The following EXTL3 variants were observed in gnomAD, a reference collection of about 807,000 sequenced individuals.
The protein encoded by EXTL3 is exostosin-like 3.
A neutral mutation model predicts 69.3 loss-of-function variants in EXTL3; 27 were observed. That is an observed-to-expected ratio of 0.39 (90% CI 0.29 to 0.54). The LOEUF is 0.54. Among genes scored for constraint, EXTL3 ranks in the 20% least tolerant of loss-of-function variants. The probability of loss-of-function intolerance (pLI) is 0.69; values close to 1 mark genes in which losing one functional copy is unlikely to be tolerated. For synonymous variants in EXTL3, 511 were observed against 499.4 expected, an observed-to-expected ratio of 1.02 and a Z score of -0.31; for missense variants, 1,003 against 1,231.8, an observed-to-expected ratio of 0.81 and a Z score of 2.78.
chr8:28,732,133 T>C (rs1265912204), intron 4 of EXTL3, among the ~76,000 whole-genome samples: 1 of 152,018 alleles, frequency 6.6e-6, no homozygotes, highest in African/African-American at 2.4e-5. Flanking sequence ...GGCCTTCAAC[T>C]CTCCTGCCTT....
In EXTL3 at chr8:28,623,023, G is replaced by C. The variant is rs1446824600; in HGVS notation, c.-53+213G>C. On this transcript the variant is annotated intron_variant, in intron 1 of 6. Transcript: ENST00000523149. The surrounding 1 kb of genome is among the most constrained non-coding windows in gnomAD (Gnocchi z 4.2). ...GTGGGGCGCCTGCTCTGGGCGTCTG[G>C]GGCGGGCGATTGCAAGCTCGCGGTC... is the stretch of plus-strand genomic sequence containing the variant. Among the ~76,000 whole-genome samples, 1 of 152,094 alleles carries C rather than the reference G, an allele frequency of 6.6e-6. No individual in the cohort carries two copies. The highest frequency in any genetic ancestry group is 2.4e-5 in the African/African-American group (1 of 41,424).
intron 1 of EXTL3, among the ~76,000 whole-genome samples, chr8:28,704,109 A>C (rs1383177438): frequency 6.6e-6 from 1 of 152,224 alleles, no homozygotes; most frequent in Non-Finnish European, 1.5e-5. Context: ...ACTAGGGAGA[A>C]GAGAAGCAGG....
intron 2 of EXTL3, chr8:28,607,773 A>G (rs1006601093): frequency 6.6e-6 from 1 of 152,226 alleles, no homozygotes; most frequent in African/African-American, 2.4e-5. Flanking sequence ...GAGACCATCC[A>G]CTGCCATAGC....
chr8:28,742,746 T>TTTG, intron 5 of EXTL3: 1 of 271,896 alleles, frequency 3.7e-6, no homozygotes. Flanking sequence ...TTTTTTTTTT[T>TTTG]GGCCATTGTT....
chr8:28,665,216 T>G (rs1440432240), intron 1 of EXTL3, among the ~76,000 whole-genome samples: 1 of 151,022 alleles, frequency 6.6e-6, no homozygotes, highest in Non-Finnish European at 1.5e-5. Flanking sequence ...AGATTACAGT[T>G]GCCTGCCACC....
intron 5 of EXTL3, among the ~76,000 whole-genome samples, chr8:28,739,222 G>A (rs1585293508): frequency 6.6e-6 from 1 of 152,158 alleles, no homozygotes; most frequent in East Asian, 1.9e-4. Flanking sequence ...AAAGCTCACC[G>A]TCTCTCCCTA....
intron 1 of EXTL3, among the ~76,000 whole-genome samples, chr8:28,656,346 T>C (rs56174417): frequency 0.064 from 9,711 of 152,094 alleles, 898 homozygotes; most frequent in African/African-American, 0.2. Context: ...AATTTTTGTA[T>C]TTTTAGGATT....
Position 28,717,143 on chromosome 8 carries a change from T to C in EXTL3, c.1084T>C (p.Ser362Pro), listed in dbSNP as rs754905066. ...SLRSSLQEAR[S>P]FEEEMEGDPP... is the part of the protein sequence containing the mutation. Reference sequence around the variant, plus strand: ...GAGGTCTAGCCTTCAGGAGGCCCGCTCCTTCGAAGAGGAAATGGAGGGCGA... The same window carrying C: ...GAGGTCTAGCCTTCAGGAGGCCCGCCCCTTCGAAGAGGAAATGGAGGGCGA... Residue 362 changes from serine to proline, a missense_variant, in exon 3 of 7, where the codon TCC becomes CCC. By Grantham distance (74) the Ser-to-Pro change is moderately conservative (BLOSUM62 -1). Coordinates refer to ENST00000220562, the MANE Select transcript of EXTL3 (RefSeq NM_001440.4). The surrounding 1 kb of genome is among the most constrained non-coding windows in gnomAD (Gnocchi z 8.3). 1 of 1,614,200 alleles carries C rather than the reference T, an allele frequency of 6.2e-7. No homozygotes were observed. The highest frequency in any genetic ancestry group is 8.5e-7 in the Non-Finnish European group (1 of 1,180,028).
At chr8:28,647,356 C>T (rs1806849073) in intron 1 of EXTL3, among the ~76,000 whole-genome samples, 1 of 152,124 alleles carries the variant, frequency 6.6e-6, no homozygotes, top group Non-Finnish European at 1.5e-5. Flanking sequence ...CCACCTGCCT[C>T]GGCCTCCCAA....
chr8:28,750,063 G>A lies in EXTL3; in HGVS notation c.2551-594G>A, dbSNP rs575870413. Among the ~76,000 whole-genome samples, 2 of 152,150 alleles carry A rather than the reference G, an allele frequency of 1.3e-5. No homozygotes were observed. The highest frequency in any genetic ancestry group is 6.5e-5 in the Admixed American group (1 of 15,280). On this transcript the variant is annotated intron_variant, in intron 6 of 6. Transcript: ENST00000220562. This position sits in a 1 kb window ranked among gnomAD's most constrained non-coding sequence, Gnocchi z 5.2. The stretch of plus-strand genomic sequence containing the variant: ...TCTTGCATGTTCAGGTGTTCTGAGG[G>A]GTTTTTATGCCATTCGGCCTGCCAC...
intron 4 of EXTL3, among the ~76,000 whole-genome samples, chr8:28,737,092 G>C (rs1408541847): frequency 6.6e-6 from 1 of 152,206 alleles, no homozygotes; most frequent in Non-Finnish European, 1.5e-5. Flanking sequence ...TTACAGGCAT[G>C]AGCCATCCCA....
rs555635541 is a variant in EXTL3 at position 28,670,367 on chromosome 8, C to T, written c.-52-43090C>T. ...GGGATTGCCAGAGAAACAGATCCAA[C>T]AGAGTATGTGAGTGTATAAAGATTT... is the stretch of plus-strand genomic sequence containing the variant. On this transcript the variant is annotated intron_variant, in intron 1 of 6. Coordinates refer to the EXTL3 transcript ENST00000523149. Among the ~76,000 whole-genome samples the T allele has an allele frequency of 2.6e-5, 4 of 152,222 alleles. No homozygotes were observed. In the South Asian group the frequency reaches 8.3e-4, roughly 32 times the overall value.
intron 4 of EXTL3, among the ~76,000 whole-genome samples, chr8:28,733,285 C>G (rs900806682): frequency 2.6e-5 from 4 of 152,050 alleles, no homozygotes; most frequent in African/African-American, 9.7e-5. Flanking sequence ...GTTCTAGCTT[C>G]TCCACATCTT....
At chr8:28,685,153 T>C (rs891344300) in intron 1 of EXTL3, among the ~76,000 whole-genome samples, 11 of 152,134 alleles carry the variant, frequency 7.2e-5, no homozygotes, top group Non-Finnish European at 1.5e-4. Context: ...AGTTTCACCA[T>C]GTTGGCCAGG....
intron 1 of EXTL3, chr8:28,696,402 G>A (rs556661000): frequency 6.6e-6 from 1 of 152,076 alleles, no homozygotes; most frequent in African/African-American, 2.4e-5. Flanking sequence ...AATTTTGCCT[G>A]TTTTTAAGCT....
intron 1 of EXTL3, among the ~76,000 whole-genome samples, chr8:28,650,226 G>A (rs1053377246): frequency 6.7e-6 from 1 of 149,832 alleles, no homozygotes; most frequent in Non-Finnish European, 1.5e-5. Context: ...AAATCCAGAT[G>A]TTGTCTAAGG....
At chr8:28,665,619 C>A (rs1374338407) in intron 1 of EXTL3, among the ~76,000 whole-genome samples, 1 of 151,724 alleles carries the variant, frequency 6.6e-6, no homozygotes, top group Non-Finnish European at 1.5e-5. Context: ...ACCATGTTGC[C>A]CATGGCTCAA....
intron 1 of EXTL3, among the ~76,000 whole-genome samples, chr8:28,692,697 T>C (rs544315573): frequency 2.0e-5 from 3 of 152,280 alleles, no homozygotes; most frequent in Non-Finnish European, 4.4e-5. Flanking sequence ...AGAACCTCTA[T>C]GAATTCTGCC....
chr8:28,683,664 A>G (rs947487001), intron 1 of EXTL3, among the ~76,000 whole-genome samples: 2 of 152,114 alleles, frequency 1.3e-5, no homozygotes, highest in Non-Finnish European at 2.9e-5. Context: ...AATACAAAAA[A>G]TTAGGCGTAG....
Sources: gnomAD v4.1 joint callset for allele counts (sites outside exome capture counted in the v4.1 genomes callset) on GRCh38, gnomAD v4.1.1 for gene constraint, Gnocchi (gnomAD v3.1) non-coding constraint, MANE v1.5 for transcripts, NCBI Gene and HGNC (gene_info 2026-07-23, HGNC 2026-07-21) for gene names.